Variants in ZC4H2 observed in about 807,000 individuals in gnomAD.
The protein encoded by ZC4H2 is zinc finger C4H2-type containing, also known as zinc finger C4H2 domain-containing protein.
For missense variants in ZC4H2, 137 were observed against 173.9 expected (o/e 0.79, Z 1.19); for synonymous variants, 84 against 66.3 (o/e 1.27, Z -1.30).
Position 64,938,302 on chromosome X carries a change from C to T in ZC4H2, c.54-16314G>A, listed in dbSNP as rs184789574. ...ATTGAGGCAGTAATTAACAGACTACCAACCAAAAAAAGTCCAGGACCAGAC... is the reference window on the plus strand; with the variant it reads ...ATTGAGGCAGTAATTAACAGACTACTAACCAAAAAAAGTCCAGGACCAGAC... On this transcript the variant is annotated intron_variant, in intron 1 of 4. Coordinates refer to ENST00000374839, the MANE Select transcript of ZC4H2 (RefSeq NM_018684.4). 1.4e-3 allele frequency among the ~76,000 whole-genome samples: 156 copies of T among 111,719 alleles called. 2 individuals are homozygous for T. Among genetic ancestry groups the T allele is most frequent in the Middle Eastern group, 4.6e-3 (1 of 217 alleles).
chrX:64,960,685 T>C (rs1417921125), intron 1 of ZC4H2, among the ~76,000 whole-genome samples: 1 of 112,192 alleles, frequency 8.9e-6, no homozygotes, highest in Non-Finnish European at 1.9e-5. Context: ...AAATTCACTA[T>C]TTCTGGCATC....
chrX:65,027,201 T>C (rs1309405075), intron 1 of ZC4H2, among the ~76,000 whole-genome samples: 1 of 111,821 alleles, frequency 8.9e-6, no homozygotes, highest in Non-Finnish European at 1.9e-5. Context: ...ATGTAGAGAA[T>C]GGTAGGGGAT....
At chrX:64,917,977 C>A in intron 4 of ZC4H2, 81 bp from the exon 5 acceptor site, 1 of 1,074,754 alleles carries the variant, frequency 9.3e-7, no homozygotes, top group Non-Finnish European at 1.2e-6. Context: ...CCCCAGGGGC[C>A]CAGAAAGCAA....
intron 1 of ZC4H2, among the ~76,000 whole-genome samples, chrX:65,029,802 G>A (rs1321883052): frequency 9.0e-6 from 1 of 110,886 alleles, no homozygotes; most frequent in Non-Finnish European, 1.9e-5. Flanking sequence ...AAAGTCACCA[G>A]TTGGGTGGCA....
intron 4 of ZC4H2, 101 bp from the exon 5 acceptor site, chrX:64,917,997 C>A: frequency 1.0e-6 from 1 of 977,186 alleles, no homozygotes; most frequent in Non-Finnish European, 1.4e-6. Context: ...AAGTGATTTC[C>A]CATCAGAAGA....
intron 1 of ZC4H2, among the ~76,000 whole-genome samples, chrX:64,948,237 C>T (rs1190796817): frequency 6.3e-5 from 7 of 111,386 alleles, no homozygotes; most frequent in Admixed American, 9.7e-5. Context: ...CTATAGAAAC[C>T]GGACTTGGTC....
At position 65,034,397 on chromosome X, in the gene ZC4H2, C is replaced by A. The variant is rs1054665970; in HGVS notation, c.-272+232G>T. Among the ~76,000 whole-genome samples, 4 of 111,543 alleles carry A rather than the reference C, an allele frequency of 3.6e-5. No homozygotes were observed. The Admixed American group carries it at 3.8e-4, about 11-fold the overall frequency. On this transcript the variant is annotated intron_variant, in intron 1 of 4. Coordinates refer to the ZC4H2 transcript ENST00000337990. ...TCAGAGAAGTTATTTAGAAAATTAC[C>A]CTGGCAGCCCTTGTGAAGGATGAAT...
At chrX:64,958,624 C>T (rs781678504) in intron 1 of ZC4H2, among the ~76,000 whole-genome samples, 1 of 111,340 alleles carries the variant, frequency 9.0e-6, no homozygotes, top group South Asian at 3.8e-4. Context: ...TAGCCTTGTA[C>T]CTGTCTCAGT....
At chrX:64,949,879 C>A (rs1930712475) in intron 1 of ZC4H2, among the ~76,000 whole-genome samples, 1 of 111,095 alleles carries the variant, frequency 9.0e-6, no homozygotes, top group African/African-American at 3.3e-5. Flanking sequence ...TTATTTCTTG[C>A]CTTCTGCTAG....
intron 1 of ZC4H2, among the ~76,000 whole-genome samples, chrX:65,013,430 A>G (rs763083447): frequency 1.8e-5 from 2 of 111,861 alleles, no homozygotes; most frequent in South Asian, 7.5e-4. Context: ...AGCAAAACTC[A>G]CGGGATGTCA....
At chrX:64,986,106 A>G in intron 1 of ZC4H2, among the ~76,000 whole-genome samples, 1 of 112,476 alleles carries the variant, frequency 8.9e-6, no homozygotes, top group Non-Finnish European at 1.9e-5. Context: ...CTGTTGCTTA[A>G]AAAATATTTG....
intron 1 of ZC4H2, among the ~76,000 whole-genome samples, chrX:64,939,769 AC>A: frequency 8.9e-6 from 1 of 112,103 alleles, no homozygotes; most frequent in Admixed American, 9.5e-5. Context: ...TACACCTTAT[AC>A]AAAGATTTAC....
At chrX:64,926,049 C>T (rs188016481) in intron 1 of ZC4H2, among the ~76,000 whole-genome samples, 73 of 111,875 alleles carry the variant, frequency 6.5e-4, no homozygotes, top group African/African-American at 2.3e-3. Context: ...CCTCTATTTA[C>T]TATTTGTAAA....
intron 1 of ZC4H2, among the ~76,000 whole-genome samples, chrX:65,015,312 C>T (rs953044782): frequency 5.4e-5 from 6 of 111,895 alleles, no homozygotes; most frequent in African/African-American, 1.9e-4. Context: ...GAATCAGACA[C>T]ACTCTTAATG....
At chrX:64,969,531 T>G (rs1036807433) in intron 1 of ZC4H2, among the ~76,000 whole-genome samples, 1 of 112,005 alleles carries the variant, frequency 8.9e-6, no homozygotes, top group Admixed American at 9.4e-5. Flanking sequence ...AGTGGACAAT[T>G]CCAGATTATA....
At chrX:65,020,019 A>G (rs1367071740) in intron 1 of ZC4H2, among the ~76,000 whole-genome samples, 1 of 111,954 alleles carries the variant, frequency 8.9e-6, no homozygotes, top group Non-Finnish European at 1.9e-5. Flanking sequence ...CAAAGCCTCC[A>G]AGAAATATGG....
intron 1 of ZC4H2, among the ~76,000 whole-genome samples, chrX:65,014,606 C>A (rs1234237344): frequency 8.9e-6 from 1 of 111,753 alleles, no homozygotes; most frequent in Admixed American, 9.5e-5. Context: ...CACTTTTTGG[C>A]TGTAATCTGT....
intron 1 of ZC4H2, among the ~76,000 whole-genome samples, chrX:64,963,493 G>T (rs1260541095): frequency 9.0e-6 from 1 of 111,179 alleles, no homozygotes; most frequent in African/African-American, 3.3e-5. Context: ...GAGTAAAATG[G>T]CAAACTGCAT....
At chrX:64,962,786 C>T (rs756585479) in intron 1 of ZC4H2, among the ~76,000 whole-genome samples, 1 of 111,415 alleles carries the variant, frequency 9.0e-6, no homozygotes, top group African/African-American at 3.3e-5. Context: ...CACAATCCCA[C>T]TTATGATAGC....
Sources: allele counts gnomAD v4.1 joint callset (sites outside exome capture counted in the v4.1 genomes callset), GRCh38; gene constraint gnomAD v4.1.1; transcripts MANE v1.5; gene names NCBI Gene and HGNC (gene_info 2026-07-23, HGNC 2026-07-21).